Variants in ATAD2 observed in about 807,000 individuals in gnomAD.
The protein encoded by ATAD2 is ATPase family AAA domain containing 2, also known as ATPase family AAA domain-containing protein 2.
Under a neutral mutation model 168.9 loss-of-function variants are expected in ATAD2, and 62 were observed. The ratio of observed to expected loss-of-function variants is 0.37; its 90% confidence interval spans 0.30 to 0.45. The LOEUF (loss-of-function observed/expected upper bound fraction) is 0.45. Ranked by LOEUF, ATAD2 falls within the 20% of genes least tolerant of loss-of-function variation. The probability of loss-of-function intolerance (pLI) is 1.00; values close to 1 mark genes in which losing one functional copy is unlikely to be tolerated. For missense variants in ATAD2, 1,419 were observed against 1,667.8 expected (o/e 0.85, Z 2.60); for synonymous variants, 613 against 571.6 (o/e 1.07, Z -1.03).
rs114419137 is a variant in ATAD2 at position 123,396,405 on chromosome 8, C to G, written c.-48G>C. ...CGTGCGCGACCGGAGAGAGATCCAG[C>G]TCCAGGCGCTCGCAGCTCTGGCTCT... is the stretch of plus-strand genomic sequence containing the variant. On this transcript the variant is annotated 5_prime_UTR_variant, in exon 1 of 28. Coordinates refer to ENST00000287394, the MANE Select transcript of ATAD2 (RefSeq NM_014109.4). 3.4e-6 allele frequency: 5 copies of G among 1,481,524 alleles called. No individual in the cohort carries two copies. In the African/African-American group the frequency reaches 4.3e-5, roughly 13 times the overall value. The allele number at this position is 1,481,524 out of a possible 1,614,324, so 91.8% of individuals were successfully genotyped here. A position where few individuals can be genotyped will look rare whatever the true frequency, so the allele number is the denominator to read the frequency against.
chr8:123,368,192 T>C (rs755592079), intron 8 of ATAD2, among the ~76,000 whole-genome samples: 1 of 151,904 alleles, frequency 6.6e-6, no homozygotes, highest in Non-Finnish European at 1.5e-5. Flanking sequence ...CTGAGGCGAG[T>C]GGATCACTTG....
intron 13 of ATAD2, among the ~76,000 whole-genome samples, chr8:123,354,230 ATTAC>A (rs1563846628): frequency 6.6e-6 from 1 of 152,206 alleles, no homozygotes; most frequent in Non-Finnish European, 1.5e-5. Flanking sequence ...CATTCACATA[ATTAC>A]TTATTTGCAT....
At position 123,337,789 on chromosome 8, in the gene ATAD2, G is replaced by A. The variant is rs779697852; in HGVS notation, c.2887C>T (p.Pro963Ser). The change falls in exon 21 of 28, where the codon CCA (proline) becomes TCA (serine). Residue 963 changes from proline (P) to serine (S), a missense_variant. Physicochemically the swap from Pro to Ser is moderately conservative, Grantham distance 74 (BLOSUM62 -1). Coordinates refer to ENST00000287394, the MANE Select transcript of ATAD2 (RefSeq NM_014109.4). ...GTCAGTGATCTTGGCTCAGGTGGTG[G>A]TGCTACTGGGAGTACCTCCAAAGCC... ...LQALEVLPVA[P>S]PPEPRSLTAE... 8 of 1,610,372 alleles carry A rather than the reference G, an allele frequency of 5.0e-6. No individual in the cohort carries two copies. In the African/African-American group the frequency reaches 9.4e-5, roughly 19 times the overall value.
intron 1 of ATAD2, among the ~76,000 whole-genome samples, chr8:123,414,807 T>C (rs1813217096): frequency 6.6e-6 from 1 of 152,192 alleles, no homozygotes; most frequent in Non-Finnish European, 1.5e-5. Flanking sequence ...GTTCTGAGTC[T>C]GGGGCTGGGG....
intron 1 of ATAD2, among the ~76,000 whole-genome samples, chr8:123,388,989 CAG>C (rs1286901964): frequency 2.0e-5 from 3 of 149,932 alleles, no homozygotes; most frequent in African/African-American, 4.9e-5. Flanking sequence ...TTTTTTGACA[CAG>C]AGTCTCGCCC....
upstream of ATAD2, chr8:123,401,023 A>G (rs1670876936): frequency 1.9e-6 from 3 of 1,555,286 alleles, no homozygotes; most frequent in Non-Finnish European, 2.6e-6. Context: ...GACAGGCACC[A>G]TGGGCAGCAA....
intron 27 of ATAD2, among the ~76,000 whole-genome samples, chr8:123,322,724 C>A (rs916034799): frequency 6.6e-6 from 1 of 152,130 alleles, no homozygotes; most frequent in Non-Finnish European, 1.5e-5. Context: ...TGGAAAAATA[C>A]TAAACTCACT....
At chr8:123,401,618 G>A in intron 1 of ATAD2, 1 of 1,069,350 alleles carries the variant, frequency 9.4e-7, no homozygotes, top group Non-Finnish European at 1.4e-6. Flanking sequence ...TGTGTACAAG[G>A]TGGCTGAGTA....
chr8:123,395,922 C>A (rs1812803442), intron 1 of ATAD2, among the ~76,000 whole-genome samples: 1 of 152,206 alleles, frequency 6.6e-6, no homozygotes, highest in Non-Finnish European at 1.5e-5. Flanking sequence ...CCAGACCGCA[C>A]TCCGCTGTGG....
In ATAD2 at chr8:123,326,036, A is replaced by C. The variant is rs1827607010; in HGVS notation, c.3869-10T>G. The stretch of plus-strand genomic sequence containing the variant: ...CGCAGAACACACATTTCTAGAATGA[A>C]AAATCAAATGATTATTATTTGGTCC... On this transcript the variant is annotated splice_polypyrimidine_tract_variant and intron_variant, in intron 25 of 27. Transcript: ENST00000287394. The C allele has an allele frequency of 6.2e-7, 1 of 1,612,448 alleles. No homozygotes were observed. Among genetic ancestry groups the C allele is most frequent in the South Asian group, 1.1e-5 (1 of 90,816 alleles).
intron 6 of ATAD2, 65 bp from the exon 7 acceptor site, chr8:123,370,089 G>C (rs1443070065): frequency 6.9e-6 from 10 of 1,439,480 alleles, no homozygotes; most frequent in Admixed American, 1.8e-5. Flanking sequence ...TTTTAACATA[G>C]GTGAGTTGGG....
At chr8:123,413,607 C>A (rs771220423) in intron 1 of ATAD2, among the ~76,000 whole-genome samples, 2 of 152,088 alleles carry the variant, frequency 1.3e-5, no homozygotes, top group Admixed American at 6.6e-5. Flanking sequence ...GACTACAGCA[C>A]TATTTATACT....
intron 19 of ATAD2, among the ~76,000 whole-genome samples, chr8:123,343,023 C>T (rs1055018431): frequency 6.7e-5 from 10 of 148,808 alleles, no homozygotes; most frequent in African/African-American, 2.2e-4. Flanking sequence ...TTTGCTTTGT[C>T]GCCCCAGCTG....
intron 9 of ATAD2, among the ~76,000 whole-genome samples, chr8:123,361,055 A>G (rs1828803322): frequency 6.6e-6 from 1 of 152,110 alleles, no homozygotes; most frequent in African/African-American, 2.4e-5. Flanking sequence ...GGTGGCTCAC[A>G]GCTGTAATTC....
intron 11 of ATAD2, among the ~76,000 whole-genome samples, chr8:123,358,848 C>T (rs1304923234): frequency 2.7e-5 from 4 of 150,480 alleles, no homozygotes; most frequent in South Asian, 2.1e-4. Context: ...TGTGCCTCAG[C>T]GCACGCCGCC....
rs1434385597 is a variant in ATAD2, at chr8:123,323,076, A to G, written c.4003-10T>C. 6.2e-7 allele frequency: 1 copy of G among 1,606,246 alleles called. No individual in the cohort carries two copies. Among genetic ancestry groups the G allele is most frequent in the Non-Finnish European group, 8.5e-7 (1 of 1,175,510 alleles). On this transcript the variant is annotated splice_polypyrimidine_tract_variant and intron_variant, in intron 26 of 27. Transcript: ENST00000287394. ...CAGTCTTCAAAAGATTCTAAAAGAA[A>G]ATATGAGTGTCAATATGTGTGAGAG...
intron 8 of ATAD2, among the ~76,000 whole-genome samples, chr8:123,362,832 GTA>G (rs1442814670): frequency 2.0e-5 from 3 of 152,130 alleles, no homozygotes; most frequent in Non-Finnish European, 4.4e-5. Context: ...TTTATCAACA[GTA>G]TACCATCCAC....
At position 123,349,435 on chromosome 8, in the gene ATAD2, A is replaced by C; in HGVS notation, c.1656T>G (p.Val552=). The change falls in exon 14 of 28, where the codon GTT becomes GTG. Residue 552 remains valine (V), a synonymous_variant. Coordinates refer to ENST00000287394, the MANE Select transcript of ATAD2 (RefSeq NM_014109.4). ...SRQDQIHSSI[V]STLLALMDGL... ...CATCCATAAGAGCTAGCAGGGTGGA[A>C]ACAATAGAACTAAATTTTAAAAATA... 6.2e-7 allele frequency: 1 copy of C among 1,613,670 alleles called. No homozygotes were observed. Among genetic ancestry groups the C allele is most frequent in the Non-Finnish European group, 8.5e-7 (1 of 1,179,764 alleles).
At chr8:123,373,810 A>T (rs1829226792) in intron 2 of ATAD2, among the ~76,000 whole-genome samples, 1 of 151,184 alleles carries the variant, frequency 6.6e-6, no homozygotes, top group Non-Finnish European at 1.5e-5. Context: ...AAAAAAAAAA[A>T]ATCTACTAAG....
Sources: allele counts gnomAD v4.1 joint callset (sites outside exome capture counted in the v4.1 genomes callset), GRCh38; gene constraint gnomAD v4.1.1; transcripts MANE v1.5; gene names NCBI Gene and HGNC (gene_info 2026-07-23, HGNC 2026-07-21).